ZMYND8: variants seen among roughly 807,000 people sequenced by gnomAD.
ZMYND8 encodes zinc finger MYND-type containing 8.
A neutral mutation model predicts 140.8 loss-of-function variants in ZMYND8; 37 were observed. The observed-to-expected ratio is 0.26, with a 90% CI of 0.20 to 0.35. The LOEUF (loss-of-function observed/expected upper bound fraction) is 0.35. ZMYND8 is among the 10% of genes least tolerant of loss of function. ZMYND8 has a pLI of 1.00. For synonymous variants in ZMYND8, 592 were observed against 597.1 expected (o/e 0.99, Z 0.12); for missense variants, 1,068 against 1,570.0 (o/e 0.68, Z 5.40).
chr20:47,241,775 T>C, intron 14 of ZMYND8, among the ~76,000 whole-genome samples: 1 of 151,618 alleles, frequency 6.6e-6, no homozygotes, highest in Non-Finnish European at 1.5e-5. Flanking sequence ...CTCCCTGACA[T>C]CAAACTCCTT....
chr20:47,319,187 A>T, intron 2 of ZMYND8: 1 of 449,836 alleles, frequency 2.2e-6, no homozygotes, highest in South Asian at 1.8e-5. Flanking sequence ...GCAATCAGGC[A>T]GTCTGAAACC....
intron 2 of ZMYND8, among the ~76,000 whole-genome samples, chr20:47,326,382 G>A (rs577643016): frequency 1.3e-5 from 2 of 152,342 alleles, no homozygotes; most frequent in South Asian, 2.1e-4. Flanking sequence ...GATTCCAGGC[G>A]TGAGCCACCA....
intron 13 of ZMYND8, 53 bp downstream of exon 13, chr20:47,249,234 A>G: frequency 1.3e-6 from 2 of 1,584,756 alleles, no homozygotes; most frequent in Non-Finnish European, 1.7e-6. Context: ...TATCCCTACC[A>G]GTAATGATAA....
chr20:47,218,337 C>A (rs2036430065), intron 21 of ZMYND8, among the ~76,000 whole-genome samples: 1 of 152,226 alleles, frequency 6.6e-6, no homozygotes, highest in African/African-American at 2.4e-5. Flanking sequence ...AACAGCACCC[C>A]TCTGTCTGAA....
At chr20:47,270,554 T>C (rs1482453262) in intron 11 of ZMYND8, among the ~76,000 whole-genome samples, 2 of 151,214 alleles carry the variant, frequency 1.3e-5, no homozygotes, top group African/African-American at 4.9e-5. Context: ...TAGTTAAAAA[T>C]GTGAGCCAGT....
chr20:47,247,843 G>A (rs1301693288), intron 13 of ZMYND8, among the ~76,000 whole-genome samples: 1 of 152,190 alleles, frequency 6.6e-6, no homozygotes, highest in Admixed American at 6.5e-5. Flanking sequence ...CAGGCATGGT[G>A]GTGCACACCT....
chr20:47,287,139 A>C, intron 8 of ZMYND8, 90 bp downstream of exon 8: 1 of 1,166,656 alleles, frequency 8.6e-7, no homozygotes, highest in Non-Finnish European at 1.3e-6. Flanking sequence ...CACCTCGGCT[A>C]CCTAATAGGA....
At chr20:47,236,667 G>T in intron 15 of ZMYND8, 151 bp from the exon 16 acceptor site, 1 of 811,786 alleles carries the variant, frequency 1.2e-6, no homozygotes, top group Non-Finnish European at 1.8e-6. Context: ...ACTCTATCCA[G>T]GTTTCTCAAC....
chr20:47,235,096 AACT>A (rs767054643), intron 16 of ZMYND8, among the ~76,000 whole-genome samples: 12 of 152,274 alleles, frequency 7.9e-5, no homozygotes, highest in Non-Finnish European at 1.5e-4. Flanking sequence ...ATAAATTATT[AACT>A]ACTTAGTAAT....
chr20:47,301,414 C>T (rs1438995347), intron 3 of ZMYND8, among the ~76,000 whole-genome samples: 2 of 152,042 alleles, frequency 1.3e-5, no homozygotes, highest in Non-Finnish European at 2.9e-5. Flanking sequence ...TCTCTGCCTC[C>T]CAAAGTGCTG....
chr20:47,325,934 G>C (rs1388330710), intron 2 of ZMYND8, among the ~76,000 whole-genome samples: 2 of 151,874 alleles, frequency 1.3e-5, no homozygotes, highest in Non-Finnish European at 2.9e-5. Context: ...ACCACACCCA[G>C]CTAATTTTAT....
intron 14 of ZMYND8, among the ~76,000 whole-genome samples, chr20:47,245,080 A>G (rs1274851517): frequency 1.3e-5 from 2 of 152,200 alleles, no homozygotes; most frequent in East Asian, 3.9e-4. Flanking sequence ...AAAAAAGCCA[A>G]TACACATATC....
chr20:47,230,483 G>A (rs3092278), intron 16 of ZMYND8, among the ~76,000 whole-genome samples: 18,060 of 151,610 alleles, frequency 0.12, 1,181 homozygotes, highest in South Asian at 0.16. Flanking sequence ...TAGTAGAGAC[G>A]GGGTTTCACC....
rs2035034162 is a variant in ZMYND8, at chr20:47,210,049, A to G, written c.*712T>C. The G allele has an allele frequency of 6.6e-6, 1 of 152,616 alleles. No homozygotes were observed. Among genetic ancestry groups the G allele is most frequent in the African/African-American group, 2.4e-5 (1 of 41,430 alleles). The allele number at this position is 152,616 out of a possible 1,614,324, so 9.5% of individuals were successfully genotyped here. On this transcript the variant is annotated 3_prime_UTR_variant, in exon 23 of 23. Transcript: ENST00000471951. The stretch of plus-strand genomic sequence containing the variant: ...TGGGGCTTGTTTGTTTCTCTTCTGT[A>G]AACAAGGATATTGTTTTTTCCCTTT...
intron 1 of ZMYND8, chr20:47,351,674 G>C (rs1262824182): frequency 1.0e-6 from 1 of 984,948 alleles, no homozygotes; most frequent in Non-Finnish European, 1.2e-6. Context: ...GGGTGGGGGG[G>C]AATGGTTAGC....
chr20:47,283,503 C>T (rs918030563), intron 9 of ZMYND8, 68 bp downstream of exon 9: 132 of 1,521,448 alleles, frequency 8.7e-5, no homozygotes, highest in Non-Finnish European at 1.2e-4. Flanking sequence ...CTGGAAAAAG[C>T]TGTCTCAGGG....
chr20:47,299,087 T>G (rs1483176621), intron 3 of ZMYND8, 140 bp from the exon 4 acceptor site: 12 of 760,306 alleles, frequency 1.6e-5, no homozygotes, highest in Non-Finnish European at 2.6e-5. Flanking sequence ...TATCTTAGGT[T>G]ACTCTACTAA....
intron 12 of ZMYND8, among the ~76,000 whole-genome samples, chr20:47,251,015 A>ACTCT (rs2074124501): frequency 1.4e-5 from 2 of 147,622 alleles, no homozygotes; most frequent in African/African-American, 5.2e-5. Context: ...GAGACAGAGC[A>ACTCT]AGACTTTTTT....
chr20:47,315,394 TAG>T (rs2079300461), intron 2 of ZMYND8, among the ~76,000 whole-genome samples: 1 of 152,176 alleles, frequency 6.6e-6, no homozygotes, highest in Admixed American at 6.5e-5. Context: ...CGAAATTTGA[TAG>T]GTTCCAAACA....
Sources: gnomAD v4.1 joint callset for allele counts (sites outside exome capture counted in the v4.1 genomes callset) on GRCh38, gnomAD v4.1.1 for gene constraint, MANE v1.5 for transcripts, NCBI Gene and HGNC (gene_info 2026-07-23, HGNC 2026-07-21) for gene names.